Variants in SLC12A2 observed in about 807,000 individuals in gnomAD.
SLC12A2 encodes the protein Na-K-2Cl cotransporter 1.
Under a neutral mutation model 136.3 loss-of-function variants are expected in SLC12A2, and 67 were observed. The observed-to-expected ratio is 0.49, with a 90% confidence interval of 0.40 to 0.60. SLC12A2 has a LOEUF of 0.60. SLC12A2 is among the 20% of genes least tolerant of loss of function. SLC12A2 has a pLI of 0.00. For missense variants in SLC12A2, 1,322 were observed against 1,534.7 expected, an observed-to-expected ratio of 0.86 and a Z score of 2.32; for synonymous variants, 619 against 562.9, an observed-to-expected ratio of 1.10 and a Z score of -1.41.
intron 4 of SLC12A2, among the ~76,000 whole-genome samples, chr5:128,124,359 A>G (rs192171336): frequency 6.6e-6 from 1 of 152,332 alleles, no homozygotes; most frequent in Admixed American, 6.5e-5. Context: ...TAAGAGCTGC[A>G]TCTCACAAGA....
chr5:128,087,884 G>A (rs1760157889), intron 1 of SLC12A2, among the ~76,000 whole-genome samples: 1 of 152,046 alleles, frequency 6.6e-6, no homozygotes, highest in Non-Finnish European at 1.5e-5. Context: ...ACTGTTGCTT[G>A]AGATGAGAAA....
chr5:128,086,057 G>A (rs987235192), intron 1 of SLC12A2, among the ~76,000 whole-genome samples: 1 of 152,004 alleles, frequency 6.6e-6, no homozygotes, highest in Non-Finnish European at 1.5e-5. Flanking sequence ...TATGGAGCTG[G>A]CAATTTTCAT....
chr5:128,100,145 G>A (rs1293245978), intron 1 of SLC12A2, among the ~76,000 whole-genome samples: 2 of 152,096 alleles, frequency 1.3e-5, no homozygotes, highest in East Asian at 1.9e-4. Flanking sequence ...TGGCTACCAC[G>A]TCAGTAGGAG....
chr5:128,126,192 A>G (rs1290500755), intron 4 of SLC12A2, among the ~76,000 whole-genome samples: 2 of 152,192 alleles, frequency 1.3e-5, no homozygotes, highest in Admixed American at 6.5e-5. Flanking sequence ...TGGATTAACA[A>G]CCTAAATATA....
intron 6 of SLC12A2, 136 bp from the exon 7 acceptor site, chr5:128,135,564 C>G: frequency 1.7e-6 from 1 of 583,906 alleles, no homozygotes; most frequent in African/African-American, 1.9e-5. Context: ...TGGCATATGG[C>G]ATTGTTTAAG....
chr5:128,175,144 G>C (rs554542910), intron 20 of SLC12A2, among the ~76,000 whole-genome samples: 2 of 152,026 alleles, frequency 1.3e-5, no homozygotes, highest in African/African-American at 4.8e-5. Context: ...ATTCCCAGCT[G>C]ACACGCAACA....
intron 4 of SLC12A2, among the ~76,000 whole-genome samples, chr5:128,115,270 G>A (rs560865177): frequency 3.3e-5 from 5 of 152,198 alleles, no homozygotes; most frequent in East Asian, 3.9e-4. Flanking sequence ...GATTACAGAC[G>A]TGCACCACCA....
intron 15 of SLC12A2, among the ~76,000 whole-genome samples, chr5:128,156,999 C>T (rs747545007): frequency 6.2e-4 from 94 of 152,248 alleles, no homozygotes; most frequent in Non-Finnish European, 7.9e-4. Context: ...GGCATGATTT[C>T]ATGTTTGATT....
intron 19 of SLC12A2, 112 bp from the exon 20 acceptor site, chr5:128,174,429 C>T: frequency 1.4e-6 from 1 of 724,098 alleles, no homozygotes; most frequent in East Asian, 3.1e-5. Flanking sequence ...AAATAAGAAG[C>T]CATTTATAAT....
At chr5:128,119,518 G>T (rs903896936) in intron 4 of SLC12A2, among the ~76,000 whole-genome samples, 3 of 152,114 alleles carry the variant, frequency 2.0e-5, no homozygotes, top group African/African-American at 7.2e-5. Context: ...GTTTCTCAAA[G>T]ATCAGATACT....
At chr5:128,106,101 C>T (rs747698883) in intron 1 of SLC12A2, among the ~76,000 whole-genome samples, 1 of 152,162 alleles carries the variant, frequency 6.6e-6, no homozygotes, top group Non-Finnish European at 1.5e-5. Flanking sequence ...AACTTCAAAT[C>T]ATAATGCTAC....
At chr5:128,113,326 A>G (rs756253279) in intron 2 of SLC12A2, among the ~76,000 whole-genome samples, 1 of 152,180 alleles carries the variant, frequency 6.6e-6, no homozygotes, top group African/African-American at 2.4e-5. Context: ...GCTTCCTTTC[A>G]CATTCCCCCC....
At position 128,158,239 on chromosome 5, in the gene SLC12A2, G is replaced by T. The variant is rs531021679; in HGVS notation, c.2475+75G>T. 7 of 1,058,874 alleles carry T rather than the reference G, an allele frequency of 6.6e-6. No individual in the cohort carries two copies. The Admixed American group carries it at 1.3e-4, about 20-fold the overall frequency. 65.6% of individuals were successfully genotyped at this position (1,058,874 alleles called of 1,614,324 possible). On this transcript the variant is annotated intron_variant, in intron 16 of 26. Transcript: ENST00000262461. ...TTTAGGTTCAGGAATACATGTGCAGGTTTGTTATGTAGCTAAATTGTGTGT... is the reference window on the plus strand; with the variant it reads ...TTTAGGTTCAGGAATACATGTGCAGTTTTGTTATGTAGCTAAATTGTGTGT...
At chr5:128,114,105 C>T in intron 2 of SLC12A2, 107 bp from the exon 3 acceptor site, 2 of 779,514 alleles carry the variant, frequency 2.6e-6, no homozygotes, top group South Asian at 3.4e-5. Flanking sequence ...AACTACATAT[C>T]TTCTGTAGTT....
chr5:128,121,008 G>A (rs1761554001), intron 4 of SLC12A2, among the ~76,000 whole-genome samples: 1 of 152,210 alleles, frequency 6.6e-6, no homozygotes, highest in East Asian at 1.9e-4. Context: ...TTATGTGTTT[G>A]CAGCTTTGCG....
chr5:128,138,572 G>A, intron 7 of SLC12A2, 25 bp from the exon 8 acceptor site: 1 of 1,596,602 alleles, frequency 6.3e-7, no homozygotes, highest in Non-Finnish European at 8.5e-7. Flanking sequence ...TCCATTAATT[G>A]TCAAGAATAT....
chr5:128,155,348 C>G (rs960649725), intron 15 of SLC12A2, among the ~76,000 whole-genome samples: 22 of 152,132 alleles, frequency 1.4e-4, no homozygotes, highest in Non-Finnish European at 1.5e-5. Flanking sequence ...TGATGTCTTT[C>G]ATCTACGTAT....
chr5:128,187,377 A>G lies in SLC12A2; in HGVS notation c.*746A>G, dbSNP rs1763902746. ...AGGGAAGATTGAAGATTCATCCCAT[A>G]CTTCTATATACCATGCTTAAAAATC... On this transcript the variant is annotated 3_prime_UTR_variant, in exon 27 of 27. Transcript: ENST00000262461. 1 of 152,146 alleles carries G rather than the reference A, an allele frequency of 6.6e-6. No individual in the cohort carries two copies. The highest frequency in any genetic ancestry group is 1.5e-5 in the Non-Finnish European group (1 of 68,016). The allele number at this position is 152,146 out of a possible 1,614,324, so 9.4% of individuals were successfully genotyped here.
chr5:128,172,044 A>G (rs2126746948), intron 19 of SLC12A2, among the ~76,000 whole-genome samples: 2 of 152,306 alleles, frequency 1.3e-5, no homozygotes, highest in East Asian at 3.9e-4. Flanking sequence ...AGACAAACCT[A>G]AGTAAAATAG....
Sources: gnomAD v4.1 joint callset for allele counts (sites outside exome capture counted in the v4.1 genomes callset) on GRCh38, gnomAD v4.1.1 for gene constraint, MANE v1.5 for transcripts, NCBI Gene and HGNC (gene_info 2026-07-23, HGNC 2026-07-21) for gene names.